The following RC3H1 variants were observed in gnomAD, a reference collection of about 807,000 sequenced individuals.
The protein encoded by RC3H1 is roquin-1.
RC3H1 carries 50 observed loss-of-function variants against 138.2 expected under a neutral mutation model. That is an observed-to-expected ratio of 0.36 (90% CI 0.29 to 0.46). The LOEUF (loss-of-function observed/expected upper bound fraction) is 0.46. Among genes scored for constraint, RC3H1 ranks in the 20% least tolerant of loss-of-function variants. RC3H1 has a pLI of 1.00. For missense variants in RC3H1, 1,031 were observed against 1,388.1 expected, an observed-to-expected ratio of 0.74 and a Z score of 4.09; for synonymous variants, 462 against 489.1, an observed-to-expected ratio of 0.94 and a Z score of 0.73.
intron 18 of RC3H1, among the ~76,000 whole-genome samples, chr1:173,942,901 T>C (rs1358073932): frequency 1.3e-5 from 2 of 151,914 alleles, no homozygotes; most frequent in Non-Finnish European, 2.9e-5. Context: ...GCCCCTAAGA[T>C]TCAAAATTTA....
chr1:173,980,620 TA>T (rs1403215252), intron 6 of RC3H1, among the ~76,000 whole-genome samples, 188 bp downstream of exon 6: 1 of 151,988 alleles, frequency 6.6e-6, no homozygotes. Flanking sequence ...ATAAGTAAAA[TA>T]AAAAATATAA....
At position 173,979,075 on chromosome 1, in the gene RC3H1, G is replaced by A. The variant is rs75381578; in HGVS notation, c.970-455C>T. ...ATGAAATAAAAATTTCAGTTCATCCGTTGCAAAAGTCACATTTCAAATGCT... is the reference window on the plus strand; with the variant it reads ...ATGAAATAAAAATTTCAGTTCATCCATTGCAAAAGTCACATTTCAAATGCT... On this transcript the variant is annotated intron_variant, in intron 6 of 19. Coordinates refer to ENST00000367696, the MANE Select transcript of RC3H1 (RefSeq NM_172071.4). 9.0e-3 allele frequency among the ~76,000 whole-genome samples: 1,367 copies of A among 152,184 alleles called. 16 individuals carry two copies. The highest frequency in any genetic ancestry group is 0.013 in the African/African-American group (535 of 41,532).
Position 173,936,860 on chromosome 1 carries a change from G to T in RC3H1, c.*1861C>A, listed in dbSNP as rs1293502794. 2 of 139,112 alleles carry T rather than the reference G, an allele frequency of 1.4e-5. No homozygotes were observed. Among genetic ancestry groups the T allele is most frequent in the Admixed American group, 7.4e-5 (1 of 13,578 alleles). The allele number at this position is 139,112 out of a possible 1,614,324, so 8.6% of individuals were successfully genotyped here. ...TCAGTGCTTCTACCACCTCCCAATC[G>T]GTCAATTTATCGCAACAGCTGCGCT... is the stretch of plus-strand genomic sequence containing the variant. On this transcript the variant is annotated 3_prime_UTR_variant, in exon 20 of 20. Coordinates refer to ENST00000367696, the MANE Select transcript of RC3H1 (RefSeq NM_172071.4).
chr1:173,975,405 T>C (rs1442285820), intron 7 of RC3H1, among the ~76,000 whole-genome samples: 1 of 152,092 alleles, frequency 6.6e-6, no homozygotes, highest in Non-Finnish European at 1.5e-5. Flanking sequence ...AGAAAGCAGT[T>C]TTATATACAA....
At chr1:173,996,284 A>C (rs759173755) in intron 1 of RC3H1, among the ~76,000 whole-genome samples, 29 of 152,130 alleles carry the variant, frequency 1.9e-4, no homozygotes, top group Non-Finnish European at 3.7e-4. Context: ...AAATACATTA[A>C]GTAAAAAAAA....
intron 2 of RC3H1, among the ~76,000 whole-genome samples, chr1:173,988,155 G>A (rs896599619): frequency 8.5e-5 from 13 of 152,232 alleles, no homozygotes; most frequent in African/African-American, 3.1e-4. Context: ...CAAATTCAGA[G>A]TGTCATATAG....
At position 174,013,696 on chromosome 1, in the gene RC3H1, G is replaced by C. The variant is rs191813992; in HGVS notation, c.-151+8400C>G. Among the ~76,000 whole-genome samples, 489 of 152,080 alleles carry C rather than the reference G, an allele frequency of 3.2e-3. 1 individual carries two copies. The highest frequency in any genetic ancestry group is 0.011 in the African/African-American group (451 of 41,532). ...ACCTCGTGATCCTTGGCCTCCCAAA[G>C]TGCTGGGATTACAGGCGTGAGCCAC... On this transcript the variant is annotated intron_variant, in intron 1 of 19. Transcript: ENST00000367696.
chr1:174,017,783 C>CA (rs61239660), intron 1 of RC3H1, among the ~76,000 whole-genome samples: 11,784 of 71,788 alleles, frequency 0.16, 1,848 homozygotes, highest in Non-Finnish European at 0.22. Context: ...TTTTCTTGCT[C>CA]AAAAAAAAAA....
chr1:174,003,231 G>T (rs1661591985), intron 1 of RC3H1, among the ~76,000 whole-genome samples: 1 of 151,870 alleles, frequency 6.6e-6, no homozygotes, highest in South Asian at 2.1e-4. Context: ...TACTAAAAAT[G>T]CAAAAATTAG....
At chr1:174,021,705 C>G (rs1026038844) in intron 1 of RC3H1, among the ~76,000 whole-genome samples, 1 of 152,100 alleles carries the variant, frequency 6.6e-6, no homozygotes, top group Non-Finnish European at 1.5e-5. Flanking sequence ...TCGCCCTCCC[C>G]CACCCCCACA....
intron 1 of RC3H1, among the ~76,000 whole-genome samples, chr1:174,009,805 T>C (rs1433268532): frequency 2.0e-5 from 3 of 152,212 alleles, no homozygotes; most frequent in Non-Finnish European, 2.9e-5. Flanking sequence ...GCCACTGCAC[T>C]ATAGCCTGGG....
chr1:174,007,298 G>A (rs1661672112), intron 1 of RC3H1, among the ~76,000 whole-genome samples: 1 of 151,784 alleles, frequency 6.6e-6, no homozygotes, highest in South Asian at 2.1e-4. Flanking sequence ...GCTGAGGCAG[G>A]AGAATGGCGT....
rs891893188 is a variant in RC3H1 at position 173,954,039 on chromosome 1, A to AAATAAT, written c.2371-1907_2371-1902dup. On this transcript the variant is annotated intron_variant, in intron 13 of 19. Transcript: ENST00000367696. Reference sequence around the variant, plus strand: ...GGGCAACAGAGTGAGACTCCATCTCAAATAATAATAATAATAATAATACAG... The same window carrying AAATAAT: ...GGGCAACAGAGTGAGACTCCATCTCAAATAATAATAATAATAATAATAATAATACAG... 2.6e-5 allele frequency among the ~76,000 whole-genome samples: 4 copies of AAATAAT among 151,686 alleles called. No homozygotes were observed. The East Asian group carries it at 5.8e-4, about 22-fold the overall frequency.
chr1:173,992,200 T>G (rs1476875735), intron 2 of RC3H1, among the ~76,000 whole-genome samples: 1 of 152,094 alleles, frequency 6.6e-6, no homozygotes, highest in Admixed American at 6.6e-5. Flanking sequence ...CAGGCTGGAG[T>G]GCAGCACGAT....
intron 13 of RC3H1, among the ~76,000 whole-genome samples, chr1:173,958,042 T>A (rs570629989): frequency 1.9e-4 from 29 of 152,340 alleles, no homozygotes; most frequent in East Asian, 1.5e-3. Flanking sequence ...ATGTGTGATG[T>A]ACTTCTCAAT....
chr1:173,934,398 T>TA lies in RC3H1; in HGVS notation c.*4322dup, dbSNP rs1253255003. On this transcript the variant is annotated 3_prime_UTR_variant, in exon 20 of 20. Coordinates refer to ENST00000367696, the MANE Select transcript of RC3H1 (RefSeq NM_172071.4). ...TTACAAAAGACGACATTCACTGGCT[T>TA]AGAGAAACTGATGAATTTTCATTAC... 1 of 152,196 alleles carries TA rather than the reference T, an allele frequency of 6.6e-6. No individual in the cohort carries two copies. The highest frequency in any genetic ancestry group is 6.5e-5 in the Admixed American group (1 of 15,272). 9.4% of individuals were successfully genotyped at this position (152,196 alleles called of 1,614,324 possible).
At chr1:173,996,916 T>G (rs927973466) in intron 1 of RC3H1, among the ~76,000 whole-genome samples, 1 of 141,038 alleles carries the variant, frequency 7.1e-6, no homozygotes, top group African/African-American at 2.9e-5. Flanking sequence ...AGGAATTCTG[T>G]TTTTTTTTTG....
At chr1:173,968,999 C>T (rs1660236784) in intron 9 of RC3H1, among the ~76,000 whole-genome samples, 1 of 151,600 alleles carries the variant, frequency 6.6e-6, no homozygotes, top group Non-Finnish European at 1.5e-5. Context: ...GCTTGGTCTA[C>T]AGGCGCATGC....
At chr1:174,019,770 T>C (rs1661924528) in intron 1 of RC3H1, among the ~76,000 whole-genome samples, 1 of 152,068 alleles carries the variant, frequency 6.6e-6, no homozygotes, top group African/African-American at 2.4e-5. Context: ...TGAGTTTGTG[T>C]CAAAACTTAA....
Sources: gnomAD v4.1 joint callset for allele counts (sites outside exome capture counted in the v4.1 genomes callset) on GRCh38, gnomAD v4.1.1 for gene constraint, MANE v1.5 for transcripts, NCBI Gene and HGNC (gene_info 2026-07-23, HGNC 2026-07-21) for gene names.